SNTG2: variants seen among roughly 807,000 people sequenced by gnomAD.
SNTG2 encodes gamma-2-syntrophin.
In SNTG2, 74 loss-of-function variants were observed where a neutral mutation model predicts 70.9. The ratio of observed to expected loss-of-function variants is 1.04; its 90% CI spans 0.86 to 1.27. SNTG2 has a LOEUF of 1.27. Ranked by LOEUF, SNTG2 falls within the 50% of genes most tolerant of loss-of-function variation. The pLI, the probability that SNTG2 is intolerant of heterozygous loss-of-function variation, is 0.00. For missense variants in SNTG2, 717 were observed against 690.7 expected, an observed-to-expected ratio of 1.04 and a Z score of -0.43; for synonymous variants, 278 against 273.8, an observed-to-expected ratio of 1.02 and a Z score of -0.15.
At chr2:1,065,644 G>T (rs192437385) in intron 1 of SNTG2, among the ~76,000 whole-genome samples, 5 of 152,286 alleles carry the variant, frequency 3.3e-5, no homozygotes, top group African/African-American at 1.2e-4. Flanking sequence ...TTAGCAATAC[G>T]TTGCAAATCA....
intron 1 of SNTG2, among the ~76,000 whole-genome samples, chr2:1,037,977 A>T (rs1661225028): frequency 2.0e-5 from 3 of 152,192 alleles, no homozygotes; most frequent in African/African-American, 7.2e-5. Context: ...TTGCTATGTC[A>T]CATGGTCACT....
chr2:1,092,709 A>G (rs1311258365), intron 2 of SNTG2, among the ~76,000 whole-genome samples: 2 of 152,230 alleles, frequency 1.3e-5, no homozygotes, highest in Non-Finnish European at 2.9e-5. Flanking sequence ...ATGATCTTAT[A>G]TACCCCCAAA....
chr2:1,346,720 T>C lies in SNTG2; in HGVS notation c.1489-20623T>C, dbSNP rs1474420792. On this transcript the variant is annotated intron_variant, in intron 16 of 16. Transcript: ENST00000308624. Reference sequence around the variant, plus strand: ...CTGAGGCAGTCGGGTTGCAGTTTGGTTTCATACATTTCAGGCTGACAGAAT... The same window carrying C: ...CTGAGGCAGTCGGGTTGCAGTTTGGCTTCATACATTTCAGGCTGACAGAAT... 3.3e-5 allele frequency among the ~76,000 whole-genome samples: 5 copies of C among 152,000 alleles called. No homozygotes were observed. In the East Asian group the frequency reaches 9.7e-4, roughly 29 times the overall value.
intron 15 of SNTG2, among the ~76,000 whole-genome samples, chr2:1,309,034 T>C (rs1680848547): frequency 6.6e-6 from 1 of 152,196 alleles, no homozygotes; most frequent in Non-Finnish European, 1.5e-5. Flanking sequence ...ATCTGAGTAT[T>C]CTCCTAACTA....
At chr2:1,062,676 G>A (rs940754842) in intron 1 of SNTG2, among the ~76,000 whole-genome samples, 1 of 152,184 alleles carries the variant, frequency 6.6e-6, no homozygotes, top group Non-Finnish European at 1.5e-5. Context: ...GTTGAGTTAA[G>A]CATGATTTTA....
intron 4 of SNTG2, among the ~76,000 whole-genome samples, chr2:1,111,595 C>T (rs1391132407): frequency 6.6e-6 from 1 of 152,234 alleles, no homozygotes; most frequent in African/African-American, 2.4e-5. Context: ...AGGGGACCTT[C>T]CTGTAAGATG....
intron 14 of SNTG2, among the ~76,000 whole-genome samples, chr2:1,281,333 G>A (rs796133014): frequency 4.8e-4 from 11 of 23,022 alleles, no homozygotes; most frequent in Admixed American, 8.5e-4. Context: ...TGGTGTGTGT[G>A]TGTGGTGGTA....
At chr2:1,285,564 T>C (rs1014702348) in intron 14 of SNTG2, among the ~76,000 whole-genome samples, 4 of 152,160 alleles carry the variant, frequency 2.6e-5, no homozygotes, top group Non-Finnish European at 5.9e-5. Context: ...ATAAATCTAA[T>C]GTCACATGAT....
At chr2:1,085,595 A>C (rs1445636450) in intron 2 of SNTG2, among the ~76,000 whole-genome samples, 1 of 152,276 alleles carries the variant, frequency 6.6e-6, no homozygotes, top group Non-Finnish European at 1.5e-5. Context: ...ACCATAAAAC[A>C]AAAAAGAGCA....
intron 16 of SNTG2, 86 bp downstream of exon 16, chr2:1,316,461 C>A: frequency 1.6e-6 from 1 of 635,936 alleles, no homozygotes; most frequent in Non-Finnish European, 2.7e-6. Flanking sequence ...ATCTCCACCC[C>A]TCCCATGCAC....
At chr2:1,221,517 G>C (rs1219757555) in intron 9 of SNTG2, among the ~76,000 whole-genome samples, 1 of 4,116 alleles carries the variant, frequency 2.4e-4, no homozygotes, top group Non-Finnish European at 5.2e-4. Context: ...CTCTCTCTCT[G>C]TCTCTCTCTA....
intron 14 of SNTG2, among the ~76,000 whole-genome samples, chr2:1,286,828 A>G (rs1679784317): frequency 2.0e-5 from 3 of 152,206 alleles, no homozygotes; most frequent in South Asian, 2.1e-4. Context: ...GCATCCTTCA[A>G]TCCAATCGAA....
At chr2:1,306,523 A>G (rs1049981962) in intron 14 of SNTG2, among the ~76,000 whole-genome samples, 3 of 152,236 alleles carry the variant, frequency 2.0e-5, no homozygotes, top group Non-Finnish European at 4.4e-5. Context: ...CTATGCAGCC[A>G]CAGGGCCGAG....
chr2:1,251,037 C>T (rs887840241), intron 12 of SNTG2, among the ~76,000 whole-genome samples: 9 of 152,242 alleles, frequency 5.9e-5, no homozygotes, highest in Non-Finnish European at 8.8e-5. Flanking sequence ...ATCAGCAGGG[C>T]TTCTTTCCAT....
intron 7 of SNTG2, among the ~76,000 whole-genome samples, chr2:1,171,727 C>T (rs1455051996): frequency 6.6e-6 from 1 of 152,172 alleles, no homozygotes; most frequent in Non-Finnish European, 1.5e-5. Context: ...CCAAGTTTCT[C>T]AATATCTTAA....
At chr2:1,158,150 T>G (rs1225489124) in intron 6 of SNTG2, among the ~76,000 whole-genome samples, 1 of 152,226 alleles carries the variant, frequency 6.6e-6, no homozygotes, top group Non-Finnish European at 1.5e-5. Flanking sequence ...TATGGCAGTA[T>G]GTAAGGATAC....
chr2:1,119,305 A>T (rs1421257455), intron 4 of SNTG2, among the ~76,000 whole-genome samples: 2 of 152,200 alleles, frequency 1.3e-5, no homozygotes, highest in Non-Finnish European at 2.9e-5. Context: ...GCAGCTAGAA[A>T]AGTGTAATCA....
At chr2:1,037,632 G>C (rs977453766) in intron 1 of SNTG2, among the ~76,000 whole-genome samples, 1 of 151,996 alleles carries the variant, frequency 6.6e-6, no homozygotes, top group Non-Finnish European at 1.5e-5. Context: ...ATCATAGGAC[G>C]TCTGGTGCTT....
intron 1 of SNTG2, among the ~76,000 whole-genome samples, chr2:1,010,721 G>A (rs1247717373): frequency 6.6e-6 from 1 of 152,190 alleles, no homozygotes; most frequent in African/African-American, 2.4e-5. Flanking sequence ...CCTATACGCA[G>A]GGCTCTTCAC....
Sources: gnomAD v4.1 joint callset for allele counts (sites outside exome capture counted in the v4.1 genomes callset) on GRCh38, gnomAD v4.1.1 for gene constraint, MANE v1.5 for transcripts, NCBI Gene and HGNC (gene_info 2026-07-23, HGNC 2026-07-21) for gene names.